XYLT1: variants seen among roughly 807,000 people sequenced by gnomAD.
The protein encoded by XYLT1 is xylosyltransferase 1.
Under a neutral mutation model 91.3 loss-of-function variants are expected in XYLT1, and 36 were observed. The observed-to-expected ratio is 0.39, with a 90% CI of 0.30 to 0.52. The LOEUF (loss-of-function observed/expected upper bound fraction) is 0.52. Ranked by LOEUF, XYLT1 falls within the 20% of genes least tolerant of loss-of-function variation. The pLI, the probability that XYLT1 is intolerant of heterozygous loss-of-function variation, is 0.68. For synonymous variants in XYLT1, 588 were observed against 532.0 expected, an observed-to-expected ratio of 1.11 and a Z score of -1.45; for missense variants, 1,242 against 1,284.5, an observed-to-expected ratio of 0.97 and a Z score of 0.51.
chr16:17,308,079 T>TTTCG (rs2034493907), intron 2 of XYLT1, among the ~76,000 whole-genome samples: 1 of 152,064 alleles, frequency 6.6e-6, no homozygotes, highest in African/African-American at 2.4e-5. Flanking sequence ...TTGGCATTTC[T>TTTCG]CAAGATCTAC....
chr16:17,271,458 A>T (rs1454666721), intron 2 of XYLT1, among the ~76,000 whole-genome samples: 2 of 152,196 alleles, frequency 1.3e-5, no homozygotes, highest in Admixed American at 6.5e-5. Context: ...AGAGAGACAG[A>T]GAGGGAGACA....
intron 6 of XYLT1, among the ~76,000 whole-genome samples, chr16:17,150,089 G>C (rs941448833): frequency 6.6e-6 from 1 of 152,176 alleles, no homozygotes; most frequent in Non-Finnish European, 1.5e-5. Context: ...AGAAGTCCTT[G>C]TTTTAGTTGT....
At chr16:17,411,234 GT>G (rs2036103279) in intron 1 of XYLT1, among the ~76,000 whole-genome samples, 4 of 152,182 alleles carry the variant, frequency 2.6e-5, no homozygotes, top group Admixed American at 2.6e-4. Context: ...TGTAATATGA[GT>G]TTGTACAAAA....
chr16:17,331,572 G>T (rs1056926635), intron 2 of XYLT1, among the ~76,000 whole-genome samples: 1 of 152,264 alleles, frequency 6.6e-6, no homozygotes, highest in South Asian at 2.1e-4. Flanking sequence ...AGGAGGGAGG[G>T]ATTAAACCAC....
At chr16:17,325,772 A>G (rs2034791846) in intron 2 of XYLT1, among the ~76,000 whole-genome samples, 1 of 152,208 alleles carries the variant, frequency 6.6e-6, no homozygotes, top group African/African-American at 2.4e-5. Context: ...TAATCTGGCT[A>G]CTTACTCTGT....
chr16:17,351,424 A>G (rs1440008451), intron 2 of XYLT1, among the ~76,000 whole-genome samples: 4 of 152,130 alleles, frequency 2.6e-5, no homozygotes, highest in African/African-American at 9.7e-5. Context: ...GAGGCAGGAG[A>G]ATTGCTTTAA....
intron 2 of XYLT1, among the ~76,000 whole-genome samples, chr16:17,332,367 G>C (rs2034910353): frequency 1.3e-5 from 2 of 152,150 alleles, no homozygotes; most frequent in African/African-American, 4.8e-5. Flanking sequence ...TTTGAGACCA[G>C]CCTGGCCAGC....
chr16:17,358,697 C>T (rs553641118), intron 1 of XYLT1, among the ~76,000 whole-genome samples: 26 of 152,264 alleles, frequency 1.7e-4, no homozygotes, highest in African/African-American at 5.5e-4. Context: ...AAGAGCTCAA[C>T]GTGTATCCAA....
At position 17,312,386 on chromosome 16, in the gene XYLT1, G is replaced by A. The variant is rs538088796; in HGVS notation, c.402+45626C>T. On this transcript the variant is annotated intron_variant, in intron 2 of 11. Transcript: ENST00000261381. The surrounding 1 kb of genome is among the most constrained non-coding windows in gnomAD (Gnocchi z 4.4). ...TCCCTGAAATCCTCATGATCATCAG[G>A]GCTGGCATTCCTGTAGCGCTTACCA... 2.6e-5 allele frequency among the ~76,000 whole-genome samples: 4 copies of A among 152,174 alleles called. No homozygotes were observed. The South Asian group carries it at 8.3e-4, about 32-fold the overall frequency.
At chr16:17,110,528 G>A (rs558793842) in intron 11 of XYLT1, among the ~76,000 whole-genome samples, 1 of 150,744 alleles carries the variant, frequency 6.6e-6, no homozygotes, top group South Asian at 2.1e-4. Flanking sequence ...CCATCATGAT[G>A]GTGAGGCCTC....
intron 1 of XYLT1, among the ~76,000 whole-genome samples, chr16:17,412,097 T>C (rs932384092): frequency 2.0e-5 from 3 of 152,104 alleles, no homozygotes; most frequent in Non-Finnish European, 4.4e-5. Flanking sequence ...CAGAACCTCA[T>C]ATCAACTTGA....
chr16:17,308,489 G>A (rs1029154970), intron 2 of XYLT1, among the ~76,000 whole-genome samples: 2 of 152,196 alleles, frequency 1.3e-5, no homozygotes, highest in Admixed American at 6.5e-5. Flanking sequence ...CCTGTAAGGT[G>A]AAGATACAGC....
chr16:17,458,863 T>C (rs976323300), intron 1 of XYLT1, among the ~76,000 whole-genome samples: 4 of 151,898 alleles, frequency 2.6e-5, no homozygotes, highest in African/African-American at 7.3e-5. Context: ...TTTTCCATAA[T>C]ATACATTTAA....
chr16:17,257,268 G>T (rs527813792), intron 3 of XYLT1, among the ~76,000 whole-genome samples: 4 of 152,166 alleles, frequency 2.6e-5, no homozygotes, highest in Non-Finnish European at 5.9e-5. Context: ...AATGCAAGCT[G>T]CTCCCTGGAC....
chr16:17,168,903 A>T (rs1361336220), intron 5 of XYLT1, among the ~76,000 whole-genome samples: 1 of 152,150 alleles, frequency 6.6e-6, no homozygotes, highest in African/African-American at 2.4e-5. Context: ...CAATGTCCTT[A>T]CCCCTTGGCA....
intron 2 of XYLT1, among the ~76,000 whole-genome samples, chr16:17,301,742 A>G (rs1055146951): frequency 6.6e-6 from 1 of 152,186 alleles, no homozygotes; most frequent in Admixed American, 6.5e-5. Flanking sequence ...TGCTAATATC[A>G]ACTCTCACTT....
At position 17,349,641 on chromosome 16, in the gene XYLT1, G is replaced by A. The variant is rs577349359; in HGVS notation, c.402+8371C>T. On this transcript the variant is annotated intron_variant, in intron 2 of 11. Transcript: ENST00000261381. Reference sequence around the variant, plus strand: ...TGGGCAAGTAACTTAACCTCTTTGCGCCTCAGTTTCTCATCTGTAAAACGG... The same window carrying A: ...TGGGCAAGTAACTTAACCTCTTTGCACCTCAGTTTCTCATCTGTAAAACGG... 4.8e-4 allele frequency among the ~76,000 whole-genome samples: 72 copies of A among 151,148 alleles called. 1 individual carries two copies. The South Asian group carries it at 0.014, about 30-fold the overall frequency.
At chr16:17,375,081 C>G (rs1173550875) in intron 1 of XYLT1, among the ~76,000 whole-genome samples, 1 of 152,162 alleles carries the variant, frequency 6.6e-6, no homozygotes, top group Admixed American at 6.5e-5. Flanking sequence ...GACACAGGCT[C>G]AGAGAGGTGG....
chr16:17,138,225 T>TTGTTGATACTGTTAAC (rs2030827742), intron 8 of XYLT1, 130 bp downstream of exon 8: 1 of 738,642 alleles, frequency 1.4e-6, no homozygotes, highest in Non-Finnish European at 1.9e-6. Context: ...CTGTTAACTA[T>TTGTTGATACTGTTAAC]TATTAATTAT....
Sources: gnomAD v4.1 joint callset for allele counts (sites outside exome capture counted in the v4.1 genomes callset) on GRCh38, gnomAD v4.1.1 for gene constraint, Gnocchi (gnomAD v3.1) non-coding constraint, MANE v1.5 for transcripts, NCBI Gene and HGNC (gene_info 2026-07-23, HGNC 2026-07-21) for gene names.